Variants in LRRC58 observed in about 807,000 individuals in gnomAD.
LRRC58 encodes the protein leucine-rich repeat-containing protein 58.
A neutral mutation model predicts 30.6 loss-of-function variants in LRRC58; 18 were observed. The ratio of observed to expected loss-of-function variants is 0.59; its 90% CI spans 0.41 to 0.87. The LOEUF is 0.87. Among genes scored for constraint, LRRC58 ranks in the 40% least tolerant of loss-of-function variants. The probability of loss-of-function intolerance (pLI) is 0.00; values close to 1 mark genes in which losing one functional copy is unlikely to be tolerated. For missense variants in LRRC58, 420 were observed against 468.4 expected, an observed-to-expected ratio of 0.90 and a Z score of 0.95; for synonymous variants, 221 against 206.0, an observed-to-expected ratio of 1.07 and a Z score of -0.62.
chr3:120,349,305 C>T lies in LRRC58; in HGVS notation c.-62G>A, dbSNP rs1936024956. 2 of 1,331,936 alleles carry T rather than the reference C, an allele frequency of 1.5e-6. No individual in the cohort carries two copies. Among genetic ancestry groups the T allele is most frequent in the Non-Finnish European group, 1.9e-6 (2 of 1,045,350 alleles). The allele number at this position is 1,331,936 out of a possible 1,614,324, so 82.5% of individuals were successfully genotyped here. Reference sequence around the variant, plus strand: ...AGAGCGCCGCGCGCGGTCCAGAGGCCGGGAGCTCTGCGGCGCCCCGGAACC... The same window carrying T: ...AGAGCGCCGCGCGCGGTCCAGAGGCTGGGAGCTCTGCGGCGCCCCGGAACC... On this transcript the variant is annotated 5_prime_UTR_variant, in exon 1 of 4. Transcript: ENST00000295628.
chr3:120,346,970 C>T (rs149613952), intron 1 of LRRC58, among the ~76,000 whole-genome samples: 156 of 152,310 alleles, frequency 1.0e-3, no homozygotes, highest in African/African-American at 3.5e-3. Context: ...TTTATATTTG[C>T]CACTTTCCCT....
intron 2 of LRRC58, 34 bp downstream of exon 2, chr3:120,335,791 G>A: frequency 1.9e-6 from 3 of 1,562,676 alleles, no homozygotes; most frequent in Non-Finnish European, 2.6e-6. Flanking sequence ...AAGCATAGAT[G>A]TCTGCGTATA....
Position 120,331,328 on chromosome 3 carries a change from A to G in LRRC58, c.988T>C (p.Leu330=), listed in dbSNP as rs1935752858. Residue 330 remains leucine (L), a synonymous_variant, in exon 4 of 4, where the codon TTG becomes CTG. Coordinates refer to ENST00000295628, the MANE Select transcript of LRRC58 (RefSeq NM_001099678.2). Reference sequence around the variant, plus strand: ...GGGGAAGAACATTCTGGTGAACACAAGTAGTGCATCAGTGGGAGGCGATAC... The same window carrying G: ...GGGGAAGAACATTCTGGTGAACACAGGTAGTGCATCAGTGGGAGGCGATAC... ...GKYRLPLMHY[L]CSPECSSPCS... 3.7e-6 allele frequency: 6 copies of G among 1,613,872 alleles called. No homozygotes were observed. The highest frequency in any genetic ancestry group is 5.1e-6 in the Non-Finnish European group (6 of 1,179,854).
At position 120,349,225 on chromosome 3, in the gene LRRC58, C is replaced by G; in HGVS notation, c.19G>C (p.Ala7Pro). 3 of 1,410,544 alleles carry G rather than the reference C, an allele frequency of 2.1e-6. No individual in the cohort carries two copies. Among genetic ancestry groups the G allele is most frequent in the Non-Finnish European group, 2.8e-6 (3 of 1,088,906 alleles). 87.4% of individuals were successfully genotyped at this position (1,410,544 alleles called of 1,614,324 possible). A position where few individuals can be genotyped will look rare whatever the true frequency, so the allele number is the denominator to read the frequency against. ...TCGGCCTCCCCGGCCGTGACCACCG[C>G]TGCTCCGGCCTCCTCCATCCTGGCC... is the stretch of plus-strand genomic sequence containing the variant. MEEAGA[A>P]VVTAGEAELN... Residue 7 changes from alanine to proline, a missense_variant, in exon 1 of 4, where the codon GCG (alanine) becomes CCG (proline). Ala to Pro is a conservative substitution (Grantham distance 27). Transcript: ENST00000295628.
intron 1 of LRRC58, among the ~76,000 whole-genome samples, chr3:120,339,294 CCTT>C (rs1045966384): frequency 6.6e-6 from 1 of 152,122 alleles, no homozygotes; most frequent in Non-Finnish European, 1.5e-5. Flanking sequence ...TCTCTTCTGT[CCTT>C]CTCTTCATAT....
chr3:120,336,522 T>C (rs1250459746), intron 1 of LRRC58, among the ~76,000 whole-genome samples: 1 of 152,178 alleles, frequency 6.6e-6, no homozygotes, highest in Non-Finnish European at 1.5e-5. Context: ...TTGGATTTGA[T>C]TGATGCACTG....
intron 1 of LRRC58, among the ~76,000 whole-genome samples, chr3:120,336,871 ATAT>A (rs984933147): frequency 6.8e-6 from 1 of 147,870 alleles, no homozygotes; most frequent in East Asian, 1.9e-4. Context: ...ATATTTATAT[ATAT>A]TATACTATAA....
At position 120,334,853 on chromosome 3, in the gene LRRC58, T is replaced by C. The variant is rs775465114; in HGVS notation, c.907+9A>G. 6.2e-7 allele frequency: 1 copy of C among 1,605,822 alleles called. No individual in the cohort carries two copies. Among genetic ancestry groups the C allele is most frequent in the Non-Finnish European group, 8.5e-7 (1 of 1,175,934 alleles). ...ATAAGTGGGAAACATGAATACTGAA[T>C]TAACTTACCTCCACACTTTGGGTTT... On this transcript the variant is annotated intron_variant, in intron 3 of 3. Transcript: ENST00000295628.
At chr3:120,337,196 T>G (rs558596500) in intron 1 of LRRC58, among the ~76,000 whole-genome samples, 1 of 152,212 alleles carries the variant, frequency 6.6e-6, no homozygotes, top group Non-Finnish European at 1.5e-5. Flanking sequence ...CCAAGTTACC[T>G]TGTGCAGCCA....
rs1482316871 is a variant in LRRC58, at chr3:120,329,362, A to G, written c.*1838T>C. 2.0e-5 allele frequency: 3 copies of G among 152,224 alleles called. No homozygotes were observed. The East Asian group carries it at 5.8e-4, about 29-fold the overall frequency. 9.4% of individuals were successfully genotyped at this position (152,224 alleles called of 1,614,324 possible). ...ACATGGAGAAGTAAGCAAAGACTTT[A>G]TACCTCTATTTTATGATATAATCAC... is the stretch of plus-strand genomic sequence containing the variant. On this transcript the variant is annotated 3_prime_UTR_variant, in exon 4 of 4. Transcript: ENST00000295628.
At chr3:120,347,379 C>CTTTTT (rs796116731) in intron 1 of LRRC58, among the ~76,000 whole-genome samples, 1,812 of 54,766 alleles carry the variant, frequency 0.033, 406 homozygotes, top group African/African-American at 0.092. Flanking sequence ...GGCCAATATT[C>CTTTTT]TTTTTTTTTT....
intron 1 of LRRC58, among the ~76,000 whole-genome samples, chr3:120,336,679 A>T (rs1230238786): frequency 1.3e-5 from 2 of 151,968 alleles, no homozygotes; most frequent in Non-Finnish European, 2.9e-5. Flanking sequence ...AGTTCCAGGT[A>T]ATTATACTGT....
Position 120,349,276 on chromosome 3 carries a change from C to A in LRRC58, c.-33G>T. The stretch of plus-strand genomic sequence containing the variant: ...ACCGCACGGCGCGTGGCGCCGGATT[C>A]CCCAGAGCGCCGCGCGCGGTCCAGA... On this transcript the variant is annotated 5_prime_UTR_variant, in exon 1 of 4. Coordinates refer to ENST00000295628, the MANE Select transcript of LRRC58 (RefSeq NM_001099678.2). 7.4e-7 allele frequency: 1 copy of A among 1,353,646 alleles called. No individual in the cohort carries two copies. Among genetic ancestry groups the A allele is most frequent in the Non-Finnish European group, 9.4e-7 (1 of 1,059,496 alleles). The allele number at this position is 1,353,646 out of a possible 1,614,324, so 83.9% of individuals were successfully genotyped here.
chr3:120,327,055 G>C lies in LRRC58; in HGVS notation c.*4145C>G, dbSNP rs1223240650. 6.6e-6 allele frequency: 1 copy of C among 152,140 alleles called. No individual in the cohort carries two copies. The highest frequency in any genetic ancestry group is 1.5e-5 in the Non-Finnish European group (1 of 68,028). The allele number at this position is 152,140 out of a possible 1,614,324, so 9.4% of individuals were successfully genotyped here. A position where few individuals can be genotyped will look rare whatever the true frequency, so the allele number is the denominator to read the frequency against. Reference sequence around the variant, plus strand: ...TTACTTGCTGGCCCTTAATTACGGAGGGATATGGACAATCTCCCAATAGCA... The same window carrying C: ...TTACTTGCTGGCCCTTAATTACGGACGGATATGGACAATCTCCCAATAGCA... On this transcript the variant is annotated 3_prime_UTR_variant, in exon 4 of 4. Transcript: ENST00000295628.
rs552220629 is a variant in LRRC58, at chr3:120,346,118, G to A, written c.500+2626C>T. On this transcript the variant is annotated intron_variant, in intron 1 of 3. Coordinates refer to ENST00000295628, the MANE Select transcript of LRRC58 (RefSeq NM_001099678.2). The stretch of plus-strand genomic sequence containing the variant: ...ACTAAAAGTACAAAAATTAGCTGGC[G>A]TGATGGCACGCTCCTGTGGTCGCAG... 5.9e-5 allele frequency among the ~76,000 whole-genome samples: 9 copies of A among 152,232 alleles called. No individual in the cohort carries two copies. In the South Asian group the frequency reaches 8.3e-4, roughly 14 times the overall value.
intron 1 of LRRC58, 53 bp from the exon 2 acceptor site, chr3:120,336,006 C>A: frequency 7.6e-7 from 1 of 1,318,932 alleles, no homozygotes; most frequent in Non-Finnish European, 1.1e-6. Flanking sequence ...GAAAAAGATA[C>A]CCCATTGTGT....
chr3:120,336,237 G>A (rs562933483), intron 1 of LRRC58, among the ~76,000 whole-genome samples: 1 of 152,224 alleles, frequency 6.6e-6, no homozygotes, highest in South Asian at 2.1e-4. Flanking sequence ...AACCATAAAT[G>A]GTATTAGGAG....
At position 120,329,023 on chromosome 3, in the gene LRRC58, G is replaced by A. The variant is rs1935719356; in HGVS notation, c.*2177C>T. 1.3e-5 allele frequency: 2 copies of A among 151,994 alleles called. No individual in the cohort carries two copies. The highest frequency in any genetic ancestry group is 2.9e-5 in the Non-Finnish European group (2 of 67,966). The allele number at this position is 151,994 out of a possible 1,614,324, so 9.4% of individuals were successfully genotyped here. A position where few individuals can be genotyped will look rare whatever the true frequency, so the allele number is the denominator to read the frequency against. Reference sequence around the variant, plus strand: ...AAGCAGTAGACCTTTCTAGGAAGCTGGAAAGGGTATGTAAGATTATATATT... The same window carrying A: ...AAGCAGTAGACCTTTCTAGGAAGCTAGAAAGGGTATGTAAGATTATATATT... On this transcript the variant is annotated 3_prime_UTR_variant, in exon 4 of 4. Transcript: ENST00000295628.
chr3:120,344,207 T>C (rs984290243), intron 1 of LRRC58, among the ~76,000 whole-genome samples: 1 of 152,098 alleles, frequency 6.6e-6, no homozygotes, highest in African/African-American at 2.4e-5. Flanking sequence ...AACAGAAAGA[T>C]AAGAACATCT....
Sources: allele counts gnomAD v4.1 joint callset (sites outside exome capture counted in the v4.1 genomes callset), GRCh38; gene constraint gnomAD v4.1.1; transcripts MANE v1.5; gene names NCBI Gene and HGNC (gene_info 2026-07-23, HGNC 2026-07-21).